SGSH: variants seen among roughly 807,000 people sequenced by gnomAD.
The protein encoded by SGSH is N-sulfoglucosamine sulfohydrolase, also known as heparan sulfate sulfatase.
A neutral mutation model predicts 51.0 loss-of-function variants in SGSH; 48 were observed. That is an observed-to-expected ratio of 0.94 (90% confidence interval 0.75 to 1.20). The LOEUF is 1.20. SGSH is among the 50% of genes most tolerant of loss of function. The probability of loss-of-function intolerance (pLI) is 0.00; values close to 1 mark genes in which losing one functional copy is unlikely to be tolerated. For missense variants in SGSH, 662 were observed against 717.8 expected (o/e 0.92, Z 0.89); for synonymous variants, 321 against 313.4 (o/e 1.02, Z -0.26).
In SGSH at chr17:80,213,955, G is replaced by A. The variant is rs532471989; in HGVS notation, c.664-70C>T. 75 of 1,456,508 alleles carry A rather than the reference G, an allele frequency of 5.1e-5. No homozygotes were observed. The African/African-American group carries it at 7.3e-4, about 14-fold the overall frequency. 90.2% of individuals were successfully genotyped at this position (1,456,508 alleles called of 1,614,324 possible). ...GGGAGCGGTGTCCAGCCTTCTCCCC[G>A]GGGCCTCCTGCAAATGGGTTAGCCC... On this transcript the variant is annotated intron_variant, in intron 5 of 7. Coordinates refer to ENST00000326317, the MANE Select transcript of SGSH (RefSeq NM_000199.5). This position sits in a 1 kb window ranked among gnomAD's most constrained non-coding sequence, Gnocchi z 4.6.
At position 80,209,982 on chromosome 17, in the gene SGSH, G is replaced by A. The variant is rs1388322371; in HGVS notation, c.*470C>T. 16 of 1,023,572 alleles carry A rather than the reference G, an allele frequency of 1.6e-5. No homozygotes were observed. The highest frequency in any genetic ancestry group is 1.7e-5 in the African/African-American group (1 of 58,770). The allele number at this position is 1,023,572 out of a possible 1,614,324, so 63.4% of individuals were successfully genotyped here. On this transcript the variant is annotated 3_prime_UTR_variant, in exon 8 of 8. Transcript: ENST00000326317. ...CCAGGTGAGTGTCGGTGGGACCTGC[G>A]TACTGCCCACGCGGCACCGAAGCCC...
downstream of SGSH, chr17:80,205,564 GCC>G: frequency 6.3e-7 from 1 of 1,582,592 alleles, no homozygotes; most frequent in Admixed American, 1.8e-5. Flanking sequence ...GAGGCCTGGA[GCC>G]AGAGAGGGGA....
intron 1 of SGSH, among the ~76,000 whole-genome samples, chr17:80,218,241 C>T (rs977284510): frequency 2.0e-5 from 3 of 152,240 alleles, no homozygotes; most frequent in Non-Finnish European, 2.9e-5. Flanking sequence ...TGCGTCCCAC[C>T]GCTGCTTCTC....
At chr17:80,205,635 G>T, downstream of SGSH, 1 of 1,520,604 alleles carries the variant, frequency 6.6e-7, no homozygotes, top group East Asian at 2.5e-5. Context: ...CCATGCTGTG[G>T]AGTCCCTCAT....
At chr17:80,214,059 T>C in intron 5 of SGSH, 113 bp downstream of exon 5, 3 of 1,428,698 alleles carry the variant, frequency 2.1e-6, no homozygotes, top group Non-Finnish European at 2.9e-6. Flanking sequence ...GAATCCGATT[T>C]GGTCAGAGCC....
intron 2 of SGSH, chr17:80,216,783 G>A (rs556030257): frequency 4.3e-5 from 24 of 556,972 alleles, no homozygotes; most frequent in Middle Eastern, 4.8e-4. Context: ...TACAGATGAG[G>A]AAACTGAGGC....
At chr17:80,219,947 T>C (rs1391402739) in intron 1 of SGSH, 3 of 367,672 alleles carry the variant, frequency 8.2e-6, no homozygotes, top group South Asian at 9.2e-5. Context: ...CCCTGAGCCC[T>C]GGCTGGGCAG....
chr17:80,205,600 C>T, downstream of SGSH: 2 of 1,568,958 alleles, frequency 1.3e-6, no homozygotes, highest in Non-Finnish European at 1.7e-6. Context: ...GGAGAGGTGT[C>T]CGGGGGCCGC....
chr17:80,210,194 A>T lies in SGSH; in HGVS notation c.*258T>A. On this transcript the variant is annotated 3_prime_UTR_variant, in exon 8 of 8. Transcript: ENST00000326317. The stretch of plus-strand genomic sequence containing the variant: ...ATTCCCGTGCTGGGACATGGTTCAG[A>T]CACAAGGACAACTGTGTCCCCTGCC... 1 of 1,398,022 alleles carries T rather than the reference A, an allele frequency of 7.2e-7. No individual in the cohort carries two copies. The highest frequency in any genetic ancestry group is 9.3e-7 in the Non-Finnish European group (1 of 1,077,462). The allele number at this position is 1,398,022 out of a possible 1,614,324, so 86.6% of individuals were successfully genotyped here. A position where few individuals can be genotyped will look rare whatever the true frequency, so the allele number is the denominator to read the frequency against.
chr17:80,212,331 G>A lies in SGSH; in HGVS notation c.746-57C>T, dbSNP rs1473565875. On this transcript the variant is annotated intron_variant, in intron 6 of 7. Coordinates refer to ENST00000326317, the MANE Select transcript of SGSH (RefSeq NM_000199.5). This position sits in a 1 kb window ranked among gnomAD's most constrained non-coding sequence, Gnocchi z 5.9. ...CCGCAGACACGGAGGGAGGCAGCGG[G>A]TGGTGTGTGTAGACCCACCTGCTGC... The A allele has an allele frequency of 6.8e-7, 1 of 1,476,832 alleles. No homozygotes were observed. The highest frequency in any genetic ancestry group is 1.4e-5 in the African/African-American group (1 of 71,576). 91.5% of individuals were successfully genotyped at this position (1,476,832 alleles called of 1,614,324 possible).
rs1299601360 is a variant in SGSH at position 80,215,125 on chromosome 17, A to G, written c.263T>C (p.Met88Thr). 2 of 1,611,250 alleles carry G rather than the reference A, an allele frequency of 1.2e-6. No homozygotes were observed. Among genetic ancestry groups the G allele is most frequent in the Non-Finnish European group, 8.5e-7 (1 of 1,179,860 alleles). Residue 88 changes from methionine (M) to threonine (T), a missense_variant, in exon 3 of 8, where the codon ATG (methionine) becomes ACG (threonine). Met to Thr is a moderately conservative substitution (Grantham distance 81). Coordinates refer to ENST00000326317, the MANE Select transcript of SGSH (RefSeq NM_000199.5). ...LTGLPQHQNG[M>T]YGLHQDVHHF... ...GTGCACGTCCTGGTGCAGCCCGTAC[A>G]TCCCATTCTGATGCTGCCAGCAAAG...
rs146522699 is a variant in SGSH, at chr17:80,210,644, G to A, written c.1317C>T (p.Tyr439=). ...HYYYRARWEL[Y]DRSRDPHETQ... is the part of the protein sequence containing the mutation. The stretch of plus-strand genomic sequence containing the variant: ...TCTCGTGGGGGTCCCGGCTCCGGTC[G>A]TAGAGCTCCCAGCGCGCCCGGTAGT... Residue 439 remains tyrosine, a synonymous_variant, in exon 8 of 8, where the codon TAC becomes TAT. Coordinates refer to ENST00000326317, the MANE Select transcript of SGSH (RefSeq NM_000199.5). 149 of 1,614,006 alleles carry A rather than the reference G, an allele frequency of 9.2e-5. No individual in the cohort carries two copies. In the African/African-American group the frequency reaches 1.3e-3, roughly 14 times the overall value.
chr17:80,207,057 G>C (rs1462117604), downstream of SGSH: 1 of 1,613,918 alleles, frequency 6.2e-7, no homozygotes, highest in Non-Finnish European at 8.5e-7. Flanking sequence ...CCACGTCTCT[G>C]TCAACGAGAA....
chr17:80,213,977 G>T lies in SGSH; in HGVS notation c.664-92C>A. On this transcript the variant is annotated intron_variant, in intron 5 of 7. Coordinates refer to ENST00000326317, the MANE Select transcript of SGSH (RefSeq NM_000199.5). The surrounding 1 kb of genome is among the most constrained non-coding windows in gnomAD (Gnocchi z 4.6). ...CCCGGGGCCTCCTGCAAATGGGTTA[G>T]CCCAGAACAGCCTCACTCCGGACCA... 3 of 1,349,536 alleles carry T rather than the reference G, an allele frequency of 2.2e-6. No homozygotes were observed. The highest frequency in any genetic ancestry group is 1.2e-5 in the South Asian group (1 of 80,880). The allele number at this position is 1,349,536 out of a possible 1,614,324, so 83.6% of individuals were successfully genotyped here.
At position 80,212,525 on chromosome 17, in the gene SGSH, T is replaced by C. The variant is rs1389727612; in HGVS notation, c.746-251A>G. 7.2e-6 allele frequency: 4 copies of C among 558,020 alleles called. No individual in the cohort carries two copies. Among genetic ancestry groups the C allele is most frequent in the African/African-American group, 3.8e-5 (2 of 53,134 alleles). The allele number at this position is 558,020 out of a possible 1,614,324, so 34.6% of individuals were successfully genotyped here. ...CTCCAGCCATCCCTTGGCACTTCTG[T>C]GTCACCCCCAGGCAGCTGCTCCCTG... On this transcript the variant is annotated intron_variant, in intron 6 of 7. Transcript: ENST00000326317. The surrounding 1 kb of genome is among the most constrained non-coding windows in gnomAD (Gnocchi z 5.9).
downstream of SGSH, chr17:80,208,297 C>G: frequency 6.2e-7 from 1 of 1,604,144 alleles, no homozygotes. Flanking sequence ...GCCAGGCCAT[C>G]GCCGACGAGC....
rs985305609 is a variant in SGSH, at chr17:80,212,418, A to C, written c.746-144T>G. On this transcript the variant is annotated intron_variant, in intron 6 of 7. Coordinates refer to ENST00000326317, the MANE Select transcript of SGSH (RefSeq NM_000199.5). This position sits in a 1 kb window ranked among gnomAD's most constrained non-coding sequence, Gnocchi z 5.9. The stretch of plus-strand genomic sequence containing the variant: ...CGAAAGCACCCTGTAGTTCTTCCCA[A>C]TGGCCCTGGCTCTTGCCCAGCTCTT... The C allele has an allele frequency of 6.8e-6, 5 of 740,502 alleles. No individual in the cohort carries two copies. The African/African-American group carries it at 6.9e-5, about 10-fold the overall frequency. The allele number at this position is 740,502 out of a possible 1,614,324, so 45.9% of individuals were successfully genotyped here.
In SGSH at chr17:80,214,295, G is replaced by T. The variant is rs749721134; in HGVS notation, c.540C>A (p.Pro180=). 3.1e-6 allele frequency: 5 copies of T among 1,613,214 alleles called. No individual in the cohort carries two copies. Among genetic ancestry groups the T allele is most frequent in the Non-Finnish European group, 4.2e-6 (5 of 1,180,024 alleles). ...GGGGCTGGGAGTGCCCACAGCGGTG[G>T]GGGTCGTGGAAGGCGACGTAGAGGA... ...PFFLYVAFHD[P]HRCGHSQPQY... is the part of the protein sequence containing the mutation. Residue 180 remains proline (P), a synonymous_variant, in exon 5 of 8, where the codon CCC becomes CCA. Transcript: ENST00000326317.
chr17:80,210,623 G>C lies in SGSH; in HGVS notation c.1338C>G (p.His446Gln), dbSNP rs762208419. The C allele has an allele frequency of 1.9e-6, 3 of 1,613,784 alleles. No homozygotes were observed. Among genetic ancestry groups the C allele is most frequent in the African/African-American group, 1.3e-5 (1 of 75,048 alleles). Residue 446 changes from histidine to glutamine, a missense_variant, in exon 8 of 8, where the codon CAC becomes CAG. Physicochemically the swap from His to Gln is conservative, Grantham distance 24. Coordinates refer to ENST00000326317, the MANE Select transcript of SGSH (RefSeq NM_000199.5). ...GGTCGGTGGCCAGGTTCTGGGTCTC[G>C]TGGGGGTCCCGGCTCCGGTCGTAGA... The part of the protein sequence containing the change: ...WELYDRSRDP[H>Q]ETQNLATDPR...
Sources: gnomAD v4.1 joint callset for allele counts (sites outside exome capture counted in the v4.1 genomes callset) on GRCh38, gnomAD v4.1.1 for gene constraint, Gnocchi (gnomAD v3.1) non-coding constraint, MANE v1.5 for transcripts, NCBI Gene and HGNC (gene_info 2026-07-23, HGNC 2026-07-21) for gene names.